PRKG1: variants seen among roughly 807,000 people sequenced by gnomAD.
PRKG1 encodes the protein cGMP-dependent protein kinase 1.
PRKG1 carries 35 observed loss-of-function variants against 88.1 expected under a neutral mutation model. The ratio of observed to expected loss-of-function variants is 0.40; its 90% CI spans 0.30 to 0.53. The LOEUF is 0.53. Ranked by LOEUF, PRKG1 falls within the 20% of genes least tolerant of loss-of-function variation. PRKG1 has a pLI of 0.59. For missense variants in PRKG1, 540 were observed against 839.8 expected, an observed-to-expected ratio of 0.64 and a Z score of 4.41; for synonymous variants, 303 against 292.5, an observed-to-expected ratio of 1.04 and a Z score of -0.37.
rs1321233162 is a variant in PRKG1 at position 51,410,775 on chromosome 10, T to C, written c.479-56948T>C. ...TGATTTCAACTACTTTATGTTTATT[T>C]ATATAAAATAAATATGTTAAATATA... On this transcript the variant is annotated intron_variant, in intron 2 of 17. Coordinates refer to ENST00000373980, the MANE Select transcript of PRKG1 (RefSeq NM_006258.4). 2.0e-5 allele frequency among the ~76,000 whole-genome samples: 3 copies of C among 151,770 alleles called. No individual in the cohort carries two copies. In the South Asian group the frequency reaches 6.2e-4, roughly 31 times the overall value.
chr10:51,996,184 G>A (rs753313771), intron 5 of PRKG1, among the ~76,000 whole-genome samples: 12 of 151,732 alleles, frequency 7.9e-5, no homozygotes, highest in Admixed American at 5.3e-4. Context: ...ACGTGGTGGC[G>A]CATGCCTGTA....
chr10:52,266,764 C>T (rs925475137), intron 10 of PRKG1, among the ~76,000 whole-genome samples: 2 of 150,038 alleles, frequency 1.3e-5, no homozygotes, highest in African/African-American at 4.9e-5. Context: ...GTAATTTGTC[C>T]AAGAGAACAA....
At chr10:52,168,368 G>A (rs181922901) in intron 9 of PRKG1, among the ~76,000 whole-genome samples, 2 of 152,242 alleles carry the variant, frequency 1.3e-5, no homozygotes, top group African/African-American at 4.8e-5. Context: ...CTACATAGAG[G>A]AACAGCATGG....
intron 3 of PRKG1, among the ~76,000 whole-genome samples, chr10:51,522,841 CATATT>C (rs890532738): frequency 1.3e-5 from 2 of 152,030 alleles, no homozygotes; most frequent in Non-Finnish European, 2.9e-5. Context: ...CATTCTTACT[CATATT>C]ATTTACTTAG....
At chr10:51,297,556 A>T (rs1308467150) in intron 2 of PRKG1, among the ~76,000 whole-genome samples, 1 of 152,110 alleles carries the variant, frequency 6.6e-6, no homozygotes, top group Admixed American at 6.5e-5. Context: ...TAAAAATCAT[A>T]CTTTTAGGTT....
At chr10:51,243,160 T>A (rs1839199196) in intron 2 of PRKG1, among the ~76,000 whole-genome samples, 1 of 152,320 alleles carries the variant, frequency 6.6e-6, no homozygotes, top group Middle Eastern at 3.4e-3. Flanking sequence ...TGTGACTGTG[T>A]TCATCCTTTC....
chr10:51,573,861 C>T (rs1837818750), intron 3 of PRKG1, among the ~76,000 whole-genome samples: 1 of 151,846 alleles, frequency 6.6e-6, no homozygotes, highest in South Asian at 2.1e-4. Context: ...AGCACCTTGA[C>T]AGTTGTGAGT....
intron 1 of PRKG1, among the ~76,000 whole-genome samples, chr10:51,080,213 T>C (rs1195952886): frequency 6.6e-6 from 1 of 152,172 alleles, no homozygotes; most frequent in East Asian, 1.9e-4. Flanking sequence ...CACAGTCAAG[T>C]TGCATGCCCC....
intron 1 of PRKG1, among the ~76,000 whole-genome samples, chr10:51,119,502 T>G (rs1301463796): frequency 2.6e-5 from 4 of 152,030 alleles, no homozygotes; most frequent in African/African-American, 4.8e-5. Context: ...GAAAAAAGAA[T>G]CATGCCTTAA....
In PRKG1 at chr10:52,257,627, T is replaced by C. The variant is rs1025185360; in HGVS notation, c.1173+5961T>C. On this transcript the variant is annotated intron_variant, in intron 10 of 17. Transcript: ENST00000373980. ...TTGCATCCTCTGTGACTAAAGTGAG[T>C]AAGGACTCAATACTGGTTGAAACTG... Among the ~76,000 whole-genome samples, 4 of 139,654 alleles carry C rather than the reference T, an allele frequency of 2.9e-5. 1 individual carries two copies. Among genetic ancestry groups the C allele is most frequent in the African/African-American group, 9.9e-5 (4 of 40,346 alleles). The allele number at this position is 139,654 out of a possible 152,430, so 91.6% of individuals were successfully genotyped here.
chr10:51,340,748 T>G (rs1841986828), intron 2 of PRKG1, among the ~76,000 whole-genome samples: 1 of 152,186 alleles, frequency 6.6e-6, no homozygotes, highest in Non-Finnish European at 1.5e-5. Flanking sequence ...GAGTTTTTCT[T>G]TGAGAAAAGT....
At chr10:52,138,701 A>G (rs1452438130) in intron 8 of PRKG1, among the ~76,000 whole-genome samples, 34 of 152,136 alleles carry the variant, frequency 2.2e-4, no homozygotes, top group Admixed American at 2.2e-3. Context: ...GAGTAAATGC[A>G]GTGTGATAGA....
At chr10:51,319,536 C>A (rs1841402687) in intron 2 of PRKG1, among the ~76,000 whole-genome samples, 1 of 152,126 alleles carries the variant, frequency 6.6e-6, no homozygotes, top group Non-Finnish European at 1.5e-5. Flanking sequence ...CAAGGAGATT[C>A]TTTACTCTCA....
chr10:51,436,765 T>C (rs181064763), intron 2 of PRKG1, among the ~76,000 whole-genome samples: 80 of 152,212 alleles, frequency 5.3e-4, no homozygotes, highest in African/African-American at 1.9e-3. Context: ...AAGCAATGGT[T>C]GTAAACTTCT....
intron 2 of PRKG1, among the ~76,000 whole-genome samples, chr10:51,439,428 A>C (rs140517745): frequency 3.0e-4 from 45 of 151,968 alleles, no homozygotes; most frequent in African/African-American, 1.1e-3. Flanking sequence ...TAACCAATAC[A>C]AGATAGATCT....
At position 52,189,441 on chromosome 10, in the gene PRKG1, A is replaced by T. The variant is rs1211348397; in HGVS notation, c.1076+27478A>T. Among the ~76,000 whole-genome samples the T allele has an allele frequency of 3.3e-5, 5 of 152,256 alleles. No individual in the cohort carries two copies. The East Asian group carries it at 9.7e-4, about 29-fold the overall frequency. On this transcript the variant is annotated intron_variant, in intron 9 of 17. Coordinates refer to ENST00000373980, the MANE Select transcript of PRKG1 (RefSeq NM_006258.4). The stretch of plus-strand genomic sequence containing the variant: ...TTAGGCACCTGGACACAAAGCAGGA[A>T]GTGAGCAGTAGACAAGCGAGCATTA...
At chr10:51,698,893 A>T in intron 3 of PRKG1, 1 of 1,611,480 alleles carries the variant, frequency 6.2e-7, no homozygotes, top group African/African-American at 1.3e-5. Flanking sequence ...GGCAGAGCCC[A>T]GGGCCAGGGC....
chr10:51,760,675 T>A (rs1331733577), intron 3 of PRKG1, among the ~76,000 whole-genome samples: 1 of 151,964 alleles, frequency 6.6e-6, no homozygotes, highest in Non-Finnish European at 1.5e-5. Flanking sequence ...TTTCACCATG[T>A]TGGCCAGTCT....
At chr10:52,072,158 CTTTTTTTTTTTTTTTT>C in intron 7 of PRKG1, among the ~76,000 whole-genome samples, 1 of 39,564 alleles carries the variant, frequency 2.5e-5, no homozygotes, top group South Asian at 1.7e-3. Flanking sequence ...TATTGTTTTG[CTTTTTTTTTTTTTTTT>C]TTTTTTTTTT....
Sources: allele counts gnomAD v4.1 joint callset (sites outside exome capture counted in the v4.1 genomes callset), GRCh38; gene constraint gnomAD v4.1.1; transcripts MANE v1.5; gene names NCBI Gene and HGNC (gene_info 2026-07-23, HGNC 2026-07-21).